DGKD: variants seen among roughly 807,000 people sequenced by gnomAD.
DGKD encodes the protein diacylglycerol kinase delta.
In DGKD, 68 loss-of-function variants were observed where a neutral mutation model predicts 154.4. The observed-to-expected ratio is 0.44, with a 90% CI of 0.36 to 0.54. DGKD has a LOEUF of 0.54. Among genes scored for constraint, DGKD ranks in the 20% least tolerant of loss-of-function variants. The pLI is 0.00. For missense variants in DGKD, 1,343 were observed against 1,593.6 expected (o/e 0.84, Z 2.68); for synonymous variants, 693 against 638.0 (o/e 1.09, Z -1.30).
Position 233,372,092 on chromosome 2 carries a change from G to A in DGKD, c.157-16165G>A, listed in dbSNP as rs546914503. Among the ~76,000 whole-genome samples, 6 of 152,138 alleles carry A rather than the reference G, an allele frequency of 3.9e-5. No individual in the cohort carries two copies. The South Asian group carries it at 8.3e-4, about 21-fold the overall frequency. On this transcript the variant is annotated intron_variant, in intron 1 of 29. Transcript: ENST00000264057. ...GCTGGAGTGCAGTGGTATGATCTCC[G>A]TTCACTGCAGCCTCTACCTCCCGAG...
In DGKD at chr2:233,441,818, G is replaced by T; in HGVS notation, c.1086-69G>T. 2.0e-6 allele frequency: 3 copies of T among 1,483,242 alleles called. No individual in the cohort carries two copies. Among genetic ancestry groups the T allele is most frequent in the Non-Finnish European group, 2.8e-6 (3 of 1,075,446 alleles). 91.9% of individuals were successfully genotyped at this position (1,483,242 alleles called of 1,614,324 possible). On this transcript the variant is annotated intron_variant, in intron 9 of 29. Coordinates refer to ENST00000264057, the MANE Select transcript of DGKD (RefSeq NM_152879.3). This position sits in a 1 kb window ranked among gnomAD's most constrained non-coding sequence, Gnocchi z 5.6. ...GGAGCACAGGTGGCCCCTCAGCCCC[G>T]TACTGACAAGCCTGTCATTTGTCCT... is the stretch of plus-strand genomic sequence containing the variant.
intron 3 of DGKD, among the ~76,000 whole-genome samples, chr2:233,399,589 G>A (rs532078414): frequency 6.6e-6 from 1 of 152,338 alleles, no homozygotes; most frequent in South Asian, 2.1e-4. Context: ...GGGAGTGGGC[G>A]TGGGAGGTGC....
At chr2:233,446,611 T>G in intron 11 of DGKD, 101 bp from the exon 12 acceptor site, 1 of 1,200,668 alleles carries the variant, frequency 8.3e-7, no homozygotes. Context: ...TCAGAAACGG[T>G]GTAAAGATCA....
chr2:233,464,645 G>A (rs997674697), intron 27 of DGKD, among the ~76,000 whole-genome samples: 5 of 152,328 alleles, frequency 3.3e-5, no homozygotes, highest in East Asian at 1.9e-4. Flanking sequence ...TTGGGATCCC[G>A]CTGTGGACAG....
intron 1 of DGKD, among the ~76,000 whole-genome samples, chr2:233,360,519 A>G (rs2125374102): frequency 6.6e-6 from 1 of 152,228 alleles, no homozygotes; most frequent in South Asian, 2.1e-4. Flanking sequence ...TGGCTTCCCA[A>G]AGTGCTAGAA....
intron 5 of DGKD, 55 bp from the exon 6 acceptor site, chr2:233,435,763 G>A: frequency 6.5e-7 from 1 of 1,537,802 alleles, no homozygotes; most frequent in South Asian, 1.2e-5. Context: ...TGCTCAGCAT[G>A]GGAAGCTCTT....
In DGKD at chr2:233,438,994, CTG is replaced by C. The variant is rs2062805241; in HGVS notation, c.1085+618_1085+619del. ...CGGCGTTGGGCCAGAGCGATTTCCA[CTG>C]TGCATCAGCAGCACAGAGATTAGAC... On this transcript the variant is annotated intron_variant, in intron 9 of 29. Transcript: ENST00000264057. This position sits in a 1 kb window ranked among gnomAD's most constrained non-coding sequence, Gnocchi z 4.1. Among the ~76,000 whole-genome samples the C allele has an allele frequency of 6.6e-6, 1 of 152,268 alleles. No individual in the cohort carries two copies. Among genetic ancestry groups the C allele is most frequent in the Non-Finnish European group, 1.5e-5 (1 of 68,052 alleles).
chr2:233,404,485 G>A (rs955295886), intron 3 of DGKD, among the ~76,000 whole-genome samples: 1 of 152,128 alleles, frequency 6.6e-6, no homozygotes, highest in African/African-American at 2.4e-5. Context: ...GTTCCTTTTT[G>A]TTACCTGCCC....
chr2:233,369,718 G>A (rs1480728922), intron 1 of DGKD, among the ~76,000 whole-genome samples: 5 of 152,152 alleles, frequency 3.3e-5, no homozygotes, highest in Admixed American at 1.3e-4. Context: ...GATCGGCCAC[G>A]GGCCCAGGCT....
intron 1 of DGKD, among the ~76,000 whole-genome samples, chr2:233,367,228 AC>A (rs1004472145): frequency 3.1e-5 from 3 of 97,270 alleles, no homozygotes; most frequent in African/African-American, 1.2e-4. Context: ...GGTATTAATG[AC>A]TTTTTTTTTT....
chr2:233,403,139 T>C (rs1036350601), intron 3 of DGKD, among the ~76,000 whole-genome samples: 4 of 151,804 alleles, frequency 2.6e-5, no homozygotes, highest in African/African-American at 9.7e-5. Flanking sequence ...GTGGTAGGAG[T>C]GTCTGTTCAT....
At chr2:233,420,204 T>A (rs2062069587) in intron 3 of DGKD, among the ~76,000 whole-genome samples, 1 of 152,102 alleles carries the variant, frequency 6.6e-6, no homozygotes, top group Admixed American at 6.6e-5. Context: ...CTCCCCCAGT[T>A]CCCTCAGCAG....
chr2:233,357,537 C>CTTTTTT (rs374813757), intron 1 of DGKD, among the ~76,000 whole-genome samples: 2 of 129,224 alleles, frequency 1.5e-5, no homozygotes, highest in African/African-American at 3.0e-5. Flanking sequence ...TTCTTTCTTT[C>CTTTTTT]TTTTTTTTTT....
At chr2:233,398,750 G>A (rs3762591) in intron 3 of DGKD, among the ~76,000 whole-genome samples, 14,898 of 152,086 alleles carry the variant, frequency 0.098, 798 homozygotes, top group African/African-American at 0.15. Flanking sequence ...TCAGCCTTCC[G>A]AGTAGCTGGG....
chr2:233,385,580 G>A (rs763893540), intron 1 of DGKD, among the ~76,000 whole-genome samples: 2 of 152,302 alleles, frequency 1.3e-5, no homozygotes, highest in African/African-American at 2.4e-5. Context: ...TGGCCCGAGC[G>A]AACTGTGCAG....
intron 27 of DGKD, 51 bp downstream of exon 27, chr2:233,464,334 G>A (rs184609910): frequency 1.4e-5 from 22 of 1,601,172 alleles, no homozygotes; most frequent in Middle Eastern, 1.7e-4. Flanking sequence ...GGTGGCTCTC[G>A]CCTGAAGTGC....
At chr2:233,378,411 CA>C (rs373116594) in intron 1 of DGKD, among the ~76,000 whole-genome samples, 267 of 118,664 alleles carry the variant, frequency 2.3e-3, no homozygotes, top group African/African-American at 3.6e-3. Context: ...GACTCCATCT[CA>C]AAAAAAAAAA....
At chr2:233,448,529 CA>C (rs2063159651) in intron 14 of DGKD, among the ~76,000 whole-genome samples, 154 bp downstream of exon 14, 1 of 152,186 alleles carries the variant, frequency 6.6e-6, no homozygotes, top group East Asian at 1.9e-4. Flanking sequence ...AAGAATGAAG[CA>C]ACAAAGAACG....
chr2:233,416,154 A>T (rs1423794911), intron 3 of DGKD, among the ~76,000 whole-genome samples: 3 of 152,208 alleles, frequency 2.0e-5, no homozygotes, highest in African/African-American at 7.2e-5. Flanking sequence ...TTATTGTGGT[A>T]GAATACACAT....
Sources: allele counts gnomAD v4.1 joint callset (sites outside exome capture counted in the v4.1 genomes callset), GRCh38; gene constraint gnomAD v4.1.1; non-coding constraint Gnocchi (gnomAD v3.1); transcripts MANE v1.5; gene names NCBI Gene and HGNC (gene_info 2026-07-23, HGNC 2026-07-21).